NTRK3: variants seen among roughly 807,000 people sequenced by gnomAD.
NTRK3 encodes NT-3 growth factor receptor.
In NTRK3, 24 loss-of-function variants were observed where a neutral mutation model predicts 91.7. That is an observed-to-expected ratio of 0.26 (90% CI 0.19 to 0.37). NTRK3 has a LOEUF of 0.37. Among genes scored for constraint, NTRK3 ranks in the 10% least tolerant of loss-of-function variants. The pLI, the probability that NTRK3 is intolerant of heterozygous loss-of-function variation, is 1.00. For synonymous variants in NTRK3, 483 were observed against 404.0 expected (o/e 1.20, Z -2.34); for missense variants, 880 against 1,068.9 (o/e 0.82, Z 2.46).
chr15:88,089,160 G>T (rs1459625850), intron 13 of NTRK3, among the ~76,000 whole-genome samples: 1 of 151,988 alleles, frequency 6.6e-6, no homozygotes, highest in Non-Finnish European at 1.5e-5. Flanking sequence ...TGGGGGAGAA[G>T]ATAGATCTCC....
chr15:88,103,684 C>A (rs952339072), intron 13 of NTRK3, among the ~76,000 whole-genome samples: 1 of 152,122 alleles, frequency 6.6e-6, no homozygotes, highest in Non-Finnish European at 1.5e-5. Context: ...AAGACAGTGA[C>A]CTTGAAAGGG....
At chr15:88,097,735 A>G (rs147584266) in intron 13 of NTRK3, among the ~76,000 whole-genome samples, 2 of 152,384 alleles carry the variant, frequency 1.3e-5, no homozygotes, top group African/African-American at 4.8e-5. Context: ...TATAATGATT[A>G]CATAATAATA....
rs993932855 is a variant in NTRK3 at position 88,240,890 on chromosome 15, G to A, written c.248+15016C>T. On this transcript the variant is annotated intron_variant, in intron 3 of 18. Transcript: ENST00000394480. This position sits in a 1 kb window ranked among gnomAD's most constrained non-coding sequence, Gnocchi z 4.9. Reference sequence around the variant, plus strand: ...GGCAAAGCCCGAGGCCCACAAAGGTGTGGAGAGCAATGAGAATGGTGTGCC... The same window carrying A: ...GGCAAAGCCCGAGGCCCACAAAGGTATGGAGAGCAATGAGAATGGTGTGCC... Among the ~76,000 whole-genome samples the A allele has an allele frequency of 2.6e-5, 4 of 152,232 alleles. No individual in the cohort carries two copies. Among genetic ancestry groups the A allele is most frequent in the Admixed American group, 2.6e-4 (4 of 15,294 alleles).
chr15:88,019,423 G>A (rs537214239), intron 14 of NTRK3, among the ~76,000 whole-genome samples: 2 of 152,314 alleles, frequency 1.3e-5, no homozygotes, highest in Non-Finnish European at 2.9e-5. Flanking sequence ...TGCCCTCCAG[G>A]CAACCATATG....
rs539760086 is a variant in NTRK3 at position 88,097,100 on chromosome 15, G to A, written c.1396+29171C>T. On this transcript the variant is annotated intron_variant, in intron 13 of 18. Coordinates refer to ENST00000394480, the Ensembl canonical transcript of NTRK3. ...ACTGAGCACCTGAGACTTGGCTAGT[G>A]ACACAGGCTGACATGATAGCATCTC... 9.8e-5 allele frequency among the ~76,000 whole-genome samples: 15 copies of A among 152,330 alleles called. No homozygotes were observed. The East Asian group carries it at 2.7e-3, about 27-fold the overall frequency.
chr15:87,862,082 T>G lies in NTRK3; in HGVS notation c.*14853A>C, dbSNP rs141850498. 6.0e-5 allele frequency: 13 copies of G among 215,028 alleles called. No individual in the cohort carries two copies. The East Asian group carries it at 8.9e-4, about 15-fold the overall frequency. 13.3% of individuals were successfully genotyped at this position (215,028 alleles called of 1,614,324 possible). A position where few individuals can be genotyped will look rare whatever the true frequency, so the allele number is the denominator to read the frequency against. On this transcript the variant is annotated 3_prime_UTR_variant, in exon 19 of 19. Coordinates refer to ENST00000394480, the Ensembl canonical transcript of NTRK3. ...ATTAAAATATAAGACAAAACTCCTC[T>G]ATTCTAAAGAACTCTAACAGAGGTG...
At chr15:87,962,954 G>A (rs1036339106) in intron 14 of NTRK3, among the ~76,000 whole-genome samples, 5 of 152,216 alleles carry the variant, frequency 3.3e-5, no homozygotes, top group Admixed American at 2.0e-4. Flanking sequence ...CTGGCCAGAA[G>A]AGCCCTTTGG....
At chr15:88,181,613 C>T (rs1438508206) in intron 5 of NTRK3, among the ~76,000 whole-genome samples, 1 of 152,244 alleles carries the variant, frequency 6.6e-6, no homozygotes. Flanking sequence ...CAAATACGAC[C>T]TCGCACCACA....
chr15:87,974,736 TG>T (rs1245178398), intron 14 of NTRK3, among the ~76,000 whole-genome samples: 1 of 152,172 alleles, frequency 6.6e-6, no homozygotes, highest in African/African-American at 2.4e-5. Context: ...AGTCACTAAA[TG>T]CTACAATGAG....
chr15:87,894,041 C>A (rs137985314), intron 17 of NTRK3, among the ~76,000 whole-genome samples: 1 of 152,128 alleles, frequency 6.6e-6, no homozygotes, highest in Non-Finnish European at 1.5e-5. Context: ...ATGGTAAGTG[C>A]CATTTTTTTA....
intron 3 of NTRK3, among the ~76,000 whole-genome samples, chr15:88,228,413 G>A (rs963362402): frequency 9.9e-5 from 15 of 152,078 alleles, no homozygotes; most frequent in Non-Finnish European, 1.8e-4. Context: ...TGAAACATGA[G>A]TCTCATCCTA....
chr15:87,923,376 T>G (rs1220991901), intron 17 of NTRK3, among the ~76,000 whole-genome samples: 1 of 152,152 alleles, frequency 6.6e-6, no homozygotes, highest in Non-Finnish European at 1.5e-5. Flanking sequence ...CATGCCAGTT[T>G]CTCCTTTTAG....
In NTRK3 at chr15:88,224,101, C is replaced by T. The variant is rs115031268; in HGVS notation, c.248+31805G>A. Among the ~76,000 whole-genome samples the T allele has an allele frequency of 2.1e-3, 319 of 152,276 alleles. 1 individual carries two copies. Among genetic ancestry groups the T allele is most frequent in the African/African-American group, 7.4e-3 (309 of 41,554 alleles). On this transcript the variant is annotated intron_variant, in intron 3 of 18. Transcript: ENST00000394480. ...CAGATTCTGCATCTCAGAGCTGGTG[C>T]AGATAATGTAAGACAAGAGGCCTGG... is the stretch of plus-strand genomic sequence containing the variant.
chr15:87,924,959 T>A (rs1432314869), intron 17 of NTRK3, among the ~76,000 whole-genome samples: 2 of 152,150 alleles, frequency 1.3e-5, no homozygotes, highest in African/African-American at 4.8e-5. Context: ...AATCAAAACA[T>A]CTGAAAACAT....
intron 14 of NTRK3, among the ~76,000 whole-genome samples, chr15:87,989,384 T>C (rs2075104074): frequency 6.6e-6 from 1 of 152,174 alleles, no homozygotes; most frequent in African/African-American, 2.4e-5. Flanking sequence ...ACCATCATTC[T>C]CAGCAAACTA....
At chr15:88,122,541 C>G (rs1350241890) in intron 13 of NTRK3, among the ~76,000 whole-genome samples, 1 of 152,128 alleles carries the variant, frequency 6.6e-6, no homozygotes, top group African/African-American at 2.4e-5. Flanking sequence ...TTTATATCTT[C>G]CCAAACTAAA....
chr15:88,178,457 T>C (rs2046191374), intron 5 of NTRK3, among the ~76,000 whole-genome samples: 1 of 152,202 alleles, frequency 6.6e-6, no homozygotes, highest in Non-Finnish European at 1.5e-5. Context: ...ACACAGTTGA[T>C]ACAATCATGC....
chr15:88,186,589 C>G (rs908232567), intron 3 of NTRK3, among the ~76,000 whole-genome samples: 1 of 152,190 alleles, frequency 6.6e-6, no homozygotes, highest in South Asian at 2.1e-4. Flanking sequence ...AGCTACAGCC[C>G]GCTGCCTGCT....
At chr15:88,005,737 G>A (rs1377375858) in intron 14 of NTRK3, among the ~76,000 whole-genome samples, 1 of 152,016 alleles carries the variant, frequency 6.6e-6, no homozygotes, top group Non-Finnish European at 1.5e-5. Flanking sequence ...ATAAGCCTGA[G>A]ACCCTCCCCC....
Sources: allele counts gnomAD v4.1 joint callset (sites outside exome capture counted in the v4.1 genomes callset), GRCh38; gene constraint gnomAD v4.1.1; non-coding constraint Gnocchi (gnomAD v3.1); transcripts MANE v1.5; gene names NCBI Gene and HGNC (gene_info 2026-07-23, HGNC 2026-07-21).